SGCG: variants seen among roughly 807,000 people sequenced by gnomAD.
SGCG encodes the protein gamma-sarcoglycan.
SGCG carries 26 observed loss-of-function variants against 29.3 expected under a neutral mutation model. The observed-to-expected ratio is 0.89, with a 90% CI of 0.65 to 1.23. The LOEUF is 1.23. Among genes scored for constraint, SGCG ranks in the 50% most tolerant of loss-of-function variants. The probability of loss-of-function intolerance (pLI) is 0.00; values close to 1 mark genes in which losing one functional copy is unlikely to be tolerated. For synonymous variants in SGCG, 145 were observed against 129.7 expected (o/e 1.12, Z -0.80); for missense variants, 353 against 356.0 (o/e 0.99, Z 0.07).
At chr13:23,242,572 A>G (rs1879552455) in intron 3 of SGCG, among the ~76,000 whole-genome samples, 1 of 152,356 alleles carries the variant, frequency 6.6e-6, no homozygotes, top group South Asian at 2.1e-4. Flanking sequence ...AAACAGGTAC[A>G]TTCAGAGTTC....
chr13:23,298,393 A>G (rs1056481668), intron 6 of SGCG, among the ~76,000 whole-genome samples: 1 of 152,130 alleles, frequency 6.6e-6, no homozygotes, highest in Admixed American at 6.5e-5. Context: ...TATACTACAT[A>G]GATATTCTCC....
intron 3 of SGCG, among the ~76,000 whole-genome samples, chr13:23,239,305 G>A (rs576288626): frequency 2.3e-3 from 353 of 152,140 alleles, no homozygotes; most frequent in Non-Finnish European, 3.5e-3. Flanking sequence ...TTTAAAGCCA[G>A]AAGACACTGA....
chr13:23,321,397 T>G (rs1883037224), intron 7 of SGCG, among the ~76,000 whole-genome samples: 1 of 152,178 alleles, frequency 6.6e-6, no homozygotes, highest in Non-Finnish European at 1.5e-5. Flanking sequence ...TGCTAAAGTT[T>G]AACTTATAAA....
At chr13:23,303,300 G>A (rs1265781045) in intron 6 of SGCG, among the ~76,000 whole-genome samples, 1 of 152,250 alleles carries the variant, frequency 6.6e-6, no homozygotes, top group East Asian at 1.9e-4. Context: ...TGCCCCTGAT[G>A]AAGTAACTGG....
intron 4 of SGCG, among the ~76,000 whole-genome samples, chr13:23,274,021 A>G (rs762461229): frequency 6.6e-6 from 1 of 152,120 alleles, no homozygotes; most frequent in Non-Finnish European, 1.5e-5. Flanking sequence ...TTTTTGTTTC[A>G]TAAAGGTGGT....
At chr13:23,261,958 T>C (rs1880453616) in intron 4 of SGCG, among the ~76,000 whole-genome samples, 1 of 152,090 alleles carries the variant, frequency 6.6e-6, no homozygotes, top group Non-Finnish European at 1.5e-5. Context: ...AAGCAAATGC[T>C]GATGGAATTT....
At chr13:23,317,343 G>T (rs745339557) in intron 6 of SGCG, among the ~76,000 whole-genome samples, 1 of 152,162 alleles carries the variant, frequency 6.6e-6, no homozygotes, top group Non-Finnish European at 1.5e-5. Flanking sequence ...TCCAGGCAGG[G>T]CTACAAACGG....
chr13:23,320,960 A>G (rs922873334), intron 7 of SGCG, among the ~76,000 whole-genome samples, 200 bp downstream of exon 7: 1 of 152,166 alleles, frequency 6.6e-6, no homozygotes, highest in African/African-American at 2.4e-5. Flanking sequence ...ATTATTCTGT[A>G]TTAGATCCAG....
chr13:23,238,276 A>G (rs1005901002), intron 3 of SGCG, among the ~76,000 whole-genome samples: 1 of 152,206 alleles, frequency 6.6e-6, no homozygotes, highest in Non-Finnish European at 1.5e-5. Context: ...AAGGCGGAGT[A>G]CTGCAGAGGA....
intron 2 of SGCG, among the ~76,000 whole-genome samples, chr13:23,233,213 A>G (rs1879177119): frequency 6.6e-6 from 1 of 152,200 alleles, no homozygotes. Flanking sequence ...GTTTGTACAC[A>G]CAGTAGAATA....
intron 2 of SGCG, among the ~76,000 whole-genome samples, chr13:23,223,056 A>G (rs4770414): frequency 0.77 from 117,322 of 151,824 alleles, 45,537 homozygotes; most frequent in East Asian, 0.93. Context: ...AGGTGGGCAG[A>G]TCACGAGGTC....
At chr13:23,216,514 T>C (rs911218591) in intron 2 of SGCG, among the ~76,000 whole-genome samples, 2 of 152,148 alleles carry the variant, frequency 1.3e-5, no homozygotes, top group African/African-American at 4.8e-5. Flanking sequence ...CCAATATAAC[T>C]GTAAAAATTT....
At chr13:23,160,826 C>T in the SGCG span, among the ~76,000 whole-genome samples, 5 of 152,258 alleles carry the variant, frequency 3.3e-5, no homozygotes, top group Admixed American at 3.3e-4. Context: ...CCTTCTCTGC[C>T]CCAGACAGCA....
intron 6 of SGCG, among the ~76,000 whole-genome samples, chr13:23,302,125 G>T (rs1176102158): frequency 6.6e-6 from 1 of 151,934 alleles, no homozygotes; most frequent in Non-Finnish European, 1.5e-5. Flanking sequence ...TCTTCTTATG[G>T]AGTCAGAAAA....
At chr13:23,225,824 C>T (rs1206749436) in intron 2 of SGCG, among the ~76,000 whole-genome samples, 1 of 148,342 alleles carries the variant, frequency 6.7e-6, no homozygotes, top group East Asian at 2.0e-4. Context: ...CATACATCAA[C>T]ATTTATTTCT....
chr13:23,194,966 C>G (rs1225459602), intron 1 of SGCG, among the ~76,000 whole-genome samples: 1 of 152,208 alleles, frequency 6.6e-6, no homozygotes, highest in African/African-American at 2.4e-5. Context: ...TCCAACAGTT[C>G]CTCCATATAG....
chr13:23,257,121 G>A (rs1024416806), intron 4 of SGCG, among the ~76,000 whole-genome samples: 2 of 152,150 alleles, frequency 1.3e-5, no homozygotes, highest in African/African-American at 4.8e-5. Flanking sequence ...GCATTTCTCT[G>A]ATGACCAGTG....
intron 5 of SGCG, among the ~76,000 whole-genome samples, chr13:23,288,193 C>T (rs1403051585): frequency 6.6e-6 from 1 of 152,148 alleles, no homozygotes; most frequent in Non-Finnish European, 1.5e-5. Context: ...GGTCAGCAAA[C>T]GCAACAGTAG....
At chr13:23,288,687 C>T (rs9550948) in intron 5 of SGCG, among the ~76,000 whole-genome samples, 96,828 of 152,008 alleles carry the variant, frequency 0.64, 32,553 homozygotes, top group Middle Eastern at 0.84. Context: ...TTTTATTAAC[C>T]CAAGTTACAG....
Sources: gnomAD v4.1 joint callset for allele counts (sites outside exome capture counted in the v4.1 genomes callset) on GRCh38, gnomAD v4.1.1 for gene constraint, MANE v1.5 for transcripts, NCBI Gene and HGNC (gene_info 2026-07-23, HGNC 2026-07-21) for gene names.